EEA1: variants seen among roughly 807,000 people sequenced by gnomAD.
EEA1 encodes early endosome antigen 1, 162kD.
In EEA1, 111 loss-of-function variants were observed where a neutral mutation model predicts 209.2. The ratio of observed to expected loss-of-function variants is 0.53; its 90% CI spans 0.45 to 0.62. The LOEUF (loss-of-function observed/expected upper bound fraction) is 0.62, where lower values mean the gene tolerates loss of function less well. Ranked by LOEUF, EEA1 falls within the 20% of genes least tolerant of loss-of-function variation. The pLI, the probability that EEA1 is intolerant of heterozygous loss-of-function variation, is 0.00. For missense variants in EEA1, 1,343 were observed against 1,530.8 expected (o/e 0.88, Z 2.05); for synonymous variants, 536 against 540.6 (o/e 0.99, Z 0.12).
At chr12:92,859,463 G>A (rs771169076) in intron 3 of EEA1, among the ~76,000 whole-genome samples, 7 of 152,144 alleles carry the variant, frequency 4.6e-5, no homozygotes, top group African/African-American at 1.4e-4. Context: ...TCTGTCCGTA[G>A]GTGTTTTGTT....
At chr12:92,922,967 A>AATAAAATAAT (rs1881061488) in intron 1 of EEA1, among the ~76,000 whole-genome samples, 1 of 149,428 alleles carries the variant, frequency 6.7e-6, no homozygotes, top group Non-Finnish European at 1.5e-5. Context: ...TCAAAAATAA[A>AATAAAATAAT]ATAAAATAAA....
intron 10 of EEA1, among the ~76,000 whole-genome samples, chr12:92,834,859 A>T (rs1309886596): frequency 6.6e-6 from 1 of 152,038 alleles, no homozygotes; most frequent in Non-Finnish European, 1.5e-5. Flanking sequence ...CAAATTATTC[A>T]TTAATCTATA....
intron 1 of EEA1, among the ~76,000 whole-genome samples, chr12:92,914,657 TC>T (rs1391280168): frequency 6.6e-6 from 1 of 151,320 alleles, no homozygotes; most frequent in African/African-American, 2.4e-5. Context: ...CAAGACCTTG[TC>T]TCTACAATTT....
At chr12:92,833,161 AAAACTGAAACTACCATTCTACCAAC>A (rs2136693770) in intron 10 of EEA1, among the ~76,000 whole-genome samples, 1 of 152,342 alleles carries the variant, frequency 6.6e-6, no homozygotes, top group South Asian at 2.1e-4. Context: ...ACTTGAGTTA[AAAACTGAAACTACCATTCTACCAAC>A]AAATTATTTT....
At chr12:92,839,264 C>T (rs1232194105) in intron 10 of EEA1, among the ~76,000 whole-genome samples, 2 of 152,050 alleles carry the variant, frequency 1.3e-5, no homozygotes, top group African/African-American at 4.8e-5. Context: ...AAATCACGCA[C>T]AGGAAAAGAT....
At position 92,779,158 on chromosome 12, in the gene EEA1, T is replaced by C. The variant is rs751872918; in HGVS notation, c.3611A>G (p.Glu1204Gly). Residue 1204 changes from glutamate to glycine, a missense_variant, in exon 25 of 29, where the codon GAA becomes GGA. Transcript: ENST00000322349. ...QILKDQVKKEEEELKKEFIEK... is the reference protein window; with the variant it reads ...QILKDQVKKEGEELKKEFIEK... ...AATAAATTCTTTCTTCAGCTCCTCT[T>C]CTTCCTTTTTCACCTGGTCTTTTAG... 2.5e-6 allele frequency: 4 copies of C among 1,608,690 alleles called. No individual in the cohort carries two copies. Among genetic ancestry groups the C allele is most frequent in the Non-Finnish European group, 3.4e-6 (4 of 1,178,770 alleles).
chr12:92,886,383 G>A (rs1303850224), intron 2 of EEA1, among the ~76,000 whole-genome samples: 2 of 101,778 alleles, frequency 2.0e-5, no homozygotes, highest in African/African-American at 3.8e-5. Context: ...AAGAAGAGGC[G>A]AGGAGAGGGG....
chr12:92,819,208 T>G, intron 14 of EEA1, 100 bp downstream of exon 14: 1 of 1,108,124 alleles, frequency 9.0e-7, no homozygotes. Context: ...TAAAATGTGC[T>G]AAAAAGAGCA....
Position 92,816,791 on chromosome 12 carries a change from C to T in EEA1, c.1729-391G>A, listed in dbSNP as rs1202129208. ...GTCATTCCTCCCATCCCATCTCTAACTCCAGCCAATCACTGATTTGGTTAA... is the reference window on the plus strand; with the variant it reads ...GTCATTCCTCCCATCCCATCTCTAATTCCAGCCAATCACTGATTTGGTTAA... On this transcript the variant is annotated intron_variant, in intron 14 of 28. Transcript: ENST00000322349. Among the ~76,000 whole-genome samples the T allele has an allele frequency of 3.3e-3, 478 of 147,016 alleles. 1 individual carries two copies. The highest frequency in any genetic ancestry group is 0.013 in the African/African-American group (460 of 36,500).
chr12:92,812,998 T>C lies in EEA1; in HGVS notation c.2025A>G (p.Ala675=). The C allele has an allele frequency of 6.3e-7, 1 of 1,583,176 alleles. No homozygotes were observed. Among genetic ancestry groups the C allele is most frequent in the Non-Finnish European group, 8.6e-7 (1 of 1,158,846 alleles). ...LQNHLDTAQN[A]LQDKQQELNK... is the part of the protein sequence containing the mutation. ...TCCCTACCTGCTGTTTATCTTGTAA[T>C]GCATTTTGAGCTGTGTCCAAATGAT... The change falls in exon 16 of 29, where the codon GCA becomes GCG. Residue 675 remains alanine, a synonymous_variant. Transcript: ENST00000322349.
chr12:92,849,446 T>C (rs997863541), intron 9 of EEA1, among the ~76,000 whole-genome samples: 7 of 152,332 alleles, frequency 4.6e-5, no homozygotes, highest in East Asian at 1.9e-4. Flanking sequence ...TTTGTACTTA[T>C]AGATTTATCA....
At chr12:92,925,821 G>C (rs1368826624) in intron 1 of EEA1, among the ~76,000 whole-genome samples, 1 of 152,130 alleles carries the variant, frequency 6.6e-6, no homozygotes, top group South Asian at 2.1e-4. Flanking sequence ...TTTCCGTAAA[G>C]TATCCTGAGA....
Position 92,813,034 on chromosome 12 carries a change from A to G in EEA1, c.1989T>C (p.Ala663=). ...SAEAAKTAQR[A]DLQNHLDTAQ... The stretch of plus-strand genomic sequence containing the variant: ...CTGTGTCCAAATGATTCTGAAGATC[A>G]GCTCTTTGAGCAGTTTTTGCTGCTT... The change falls in exon 16 of 29, where the codon GCT becomes GCC. Residue 663 remains alanine, a synonymous_variant. Coordinates refer to ENST00000322349, the MANE Select transcript of EEA1 (RefSeq NM_003566.4). The G allele has an allele frequency of 1.9e-6, 3 of 1,601,488 alleles. No homozygotes were observed. Among genetic ancestry groups the G allele is most frequent in the Non-Finnish European group, 2.6e-6 (3 of 1,171,170 alleles).
At chr12:92,889,000 A>G (rs1360404837) in intron 2 of EEA1, among the ~76,000 whole-genome samples, 2 of 151,940 alleles carry the variant, frequency 1.3e-5, no homozygotes, top group Non-Finnish European at 2.9e-5. Flanking sequence ...AAATACAAAA[A>G]AATTCGCAGG....
chr12:92,910,287 T>C (rs575117038), intron 1 of EEA1, among the ~76,000 whole-genome samples: 1 of 151,928 alleles, frequency 6.6e-6, no homozygotes, highest in Non-Finnish European at 1.5e-5. Context: ...CTGACCGACA[T>C]GGTGAAACCC....
Position 92,895,365 on chromosome 12 carries a change from C to T in EEA1, c.25-3644G>A, listed in dbSNP as rs867089989. 3.2e-5 allele frequency: 5 copies of T among 154,138 alleles called. No individual in the cohort carries two copies. In the Middle Eastern group the frequency reaches 2.7e-3, roughly 83 times the overall value. The allele number at this position is 154,138 out of a possible 1,614,324, so 9.5% of individuals were successfully genotyped here. On this transcript the variant is annotated intron_variant, in intron 1 of 28. Transcript: ENST00000322349. ...TATTTTTAGTAGAGACAGGGTTTCA[C>T]CGTGTTAGCCAGGATGGTCTCGATC...
chr12:92,832,849 G>T lies in EEA1; in HGVS notation c.917C>A (p.Thr306Asn), dbSNP rs749076090. The T allele has an allele frequency of 1.3e-5, 21 of 1,581,626 alleles. No individual in the cohort carries two copies. The highest frequency in any genetic ancestry group is 1.9e-5 in the Admixed American group (1 of 53,130). Reference protein sequence around the residue: ...SVNELTQKNQTLTENLLKKEQ... With the variant: ...SVNELTQKNQNLTENLLKKEQ... ...TTTTTTCAGCAAGTTTTCTGTCAAG[G>T]TCTAAAATATCAATTTAACAATTTA... The change falls in exon 11 of 29, where the codon ACC (threonine) becomes AAC (asparagine). Residue 306 changes from threonine (T) to asparagine (N), a missense_variant and splice_region_variant. Around this residue, in one of 3 missense-constraint regions of EEA1, gnomAD observed 1,307 missense variants for 1,465.5 expected, o/e 0.89. Transcript: ENST00000322349.
chr12:92,854,979 G>A (rs1007787141), intron 5 of EEA1, among the ~76,000 whole-genome samples: 1 of 152,122 alleles, frequency 6.6e-6, no homozygotes, highest in African/African-American at 2.4e-5. Context: ...GTGAACCGAA[G>A]AAAATCTCTC....
intron 6 of EEA1, 126 bp from the exon 7 acceptor site, chr12:92,853,151 T>C (rs1164442133): frequency 8.8e-6 from 5 of 566,864 alleles, no homozygotes; most frequent in Non-Finnish European, 1.5e-5. Context: ...CAAGTAGTAT[T>C]TTGACACTTC....
Sources: allele counts gnomAD v4.1 joint callset (sites outside exome capture counted in the v4.1 genomes callset), GRCh38; gene constraint gnomAD v4.1.1; regional missense constraint gnomAD v4.1.1; transcripts MANE v1.5; gene names NCBI Gene and HGNC (gene_info 2026-07-23, HGNC 2026-07-21).